CHRM2: variants seen among roughly 807,000 people sequenced by gnomAD.
CHRM2 encodes the protein muscarinic acetylcholine receptor M2.
In CHRM2, 8 loss-of-function variants were observed where a neutral mutation model predicts 25.0. That is an observed-to-expected ratio of 0.32 (90% CI 0.19 to 0.58). The LOEUF (loss-of-function observed/expected upper bound fraction) is 0.58. CHRM2 is among the 20% of genes least tolerant of loss of function. The pLI is 0.88. For missense variants in CHRM2, 440 were observed against 567.1 expected (o/e 0.78, Z 2.28); for synonymous variants, 202 against 205.7 (o/e 0.98, Z 0.15).
intron 2 of CHRM2, among the ~76,000 whole-genome samples, chr7:136,958,053 T>C (rs1800828063): frequency 6.6e-6 from 1 of 152,226 alleles, no homozygotes; most frequent in Non-Finnish European, 1.5e-5. Flanking sequence ...AAACATAGTT[T>C]GAAACTGATT....
At chr7:136,900,472 T>G (rs1405243532) in intron 2 of CHRM2, among the ~76,000 whole-genome samples, 1 of 152,074 alleles carries the variant, frequency 6.6e-6, no homozygotes, top group Non-Finnish European at 1.5e-5. Flanking sequence ...CTGATGGATT[T>G]GATCACAGGC....
At chr7:136,981,925 T>C (rs944848959) in intron 2 of CHRM2, among the ~76,000 whole-genome samples, 1 of 152,170 alleles carries the variant, frequency 6.6e-6, no homozygotes, top group African/African-American at 2.4e-5. Context: ...GTATATTCTG[T>C]TGATTTGGGG....
At chr7:136,873,715 C>T (rs1240388594) in intron 2 of CHRM2, among the ~76,000 whole-genome samples, 1 of 152,118 alleles carries the variant, frequency 6.6e-6, no homozygotes, top group Non-Finnish European at 1.5e-5. Flanking sequence ...CACTTGTTTT[C>T]CCTGTGTTTG....
intron 2 of CHRM2, among the ~76,000 whole-genome samples, chr7:136,923,744 C>G (rs1798582417): frequency 6.6e-6 from 1 of 152,030 alleles, no homozygotes; most frequent in African/African-American, 2.4e-5. Context: ...AATGGTGTCT[C>G]ATGCTTTTAA....
chr7:137,009,886 C>T (rs941802933), intron 3 of CHRM2, among the ~76,000 whole-genome samples: 3 of 151,884 alleles, frequency 2.0e-5, no homozygotes, highest in African/African-American at 7.3e-5. Flanking sequence ...AGTGTTACCT[C>T]TAACCCTGCG....
intron 2 of CHRM2, among the ~76,000 whole-genome samples, chr7:136,896,460 T>C (rs752665796): frequency 2.0e-5 from 3 of 152,152 alleles, no homozygotes; most frequent in South Asian, 2.1e-4. Context: ...AGGTGGAATG[T>C]AGTAATCTCC....
intron 2 of CHRM2, among the ~76,000 whole-genome samples, chr7:136,963,020 T>C (rs1292188086): frequency 6.6e-6 from 1 of 152,092 alleles, no homozygotes; most frequent in African/African-American, 2.4e-5. Context: ...TACATTAGTT[T>C]TTACGAAAAA....
intron 2 of CHRM2, among the ~76,000 whole-genome samples, chr7:136,967,981 AATG>A (rs1253015138): frequency 6.6e-6 from 1 of 151,978 alleles, no homozygotes; most frequent in African/African-American, 2.4e-5. Context: ...AATTAGGTCA[AATG>A]ATGGGAATTT....
intron 2 of CHRM2, among the ~76,000 whole-genome samples, chr7:136,906,656 CTT>C (rs1334422542): frequency 1.3e-5 from 2 of 151,386 alleles, no homozygotes; most frequent in Non-Finnish European, 2.9e-5. Context: ...TTTTAATAAA[CTT>C]AATATTTTGA....
chr7:136,925,540 CT>C (rs139806824), intron 2 of CHRM2, among the ~76,000 whole-genome samples: 14 of 149,554 alleles, frequency 9.4e-5, no homozygotes, highest in African/African-American at 2.7e-4. Flanking sequence ...CTATAAACAG[CT>C]TTTTTTTTTC....
chr7:136,929,780 C>T (rs62485243), intron 2 of CHRM2, among the ~76,000 whole-genome samples: 39,932 of 151,866 alleles, frequency 0.26, 6,120 homozygotes, highest in Non-Finnish European at 0.35. Context: ...TGCTTTCAAA[C>T]AGTAAAGAAA....
intron 2 of CHRM2, among the ~76,000 whole-genome samples, chr7:136,934,423 T>G (rs532682160): frequency 6.6e-6 from 1 of 152,284 alleles, no homozygotes; most frequent in Admixed American, 6.5e-5. Context: ...CCAGCCTCTG[T>G]AGTCCATCTC....
intron 2 of CHRM2, among the ~76,000 whole-genome samples, chr7:136,934,865 A>C (rs1177823216): frequency 6.6e-6 from 1 of 152,000 alleles, no homozygotes; most frequent in Non-Finnish European, 1.5e-5. Flanking sequence ...TAACCAAAAA[A>C]AAAAATGTAA....
At chr7:136,880,783 A>T (rs1796236282) in intron 2 of CHRM2, among the ~76,000 whole-genome samples, 1 of 151,822 alleles carries the variant, frequency 6.6e-6, no homozygotes, top group Non-Finnish European at 1.5e-5. Context: ...GATGAACTAC[A>T]TTGACACATC....
intron 3 of CHRM2, among the ~76,000 whole-genome samples, chr7:137,000,469 GGATTACAGGTGT>G (rs1188428821): frequency 1.3e-5 from 2 of 149,334 alleles, no homozygotes; most frequent in African/African-American, 4.9e-5. Flanking sequence ...CAAAGTGCTG[GGATTACAGGTGT>G]GAGCCACCGC....
chr7:136,881,926 C>T lies in CHRM2; in HGVS notation c.-125+12508C>T, dbSNP rs577493893. ...GCCATGACGAAGCTAAGTTAAAAAA[C>T]TGAAAACCTAGTTGAAAGACCATTT... On this transcript the variant is annotated intron_variant, in intron 2 of 3. Coordinates refer to ENST00000680005, the MANE Select transcript of CHRM2 (RefSeq NM_001006630.2). Among the ~76,000 whole-genome samples, 23 of 152,136 alleles carry T rather than the reference C, an allele frequency of 1.5e-4. No homozygotes were observed. In the South Asian group the frequency reaches 4.8e-3, roughly 32 times the overall value.
At chr7:136,963,466 A>G (rs1038812427) in intron 2 of CHRM2, among the ~76,000 whole-genome samples, 1 of 152,220 alleles carries the variant, frequency 6.6e-6, no homozygotes, top group Non-Finnish European at 1.5e-5. Flanking sequence ...AAAGATGTTC[A>G]TAGGATTTCA....
At chr7:136,931,276 A>T (rs563042182) in intron 2 of CHRM2, among the ~76,000 whole-genome samples, 13 of 152,336 alleles carry the variant, frequency 8.5e-5, no homozygotes, top group South Asian at 4.1e-4. Flanking sequence ...ACAAAGACAG[A>T]TAGAGATTTG....
intron 2 of CHRM2, among the ~76,000 whole-genome samples, chr7:136,892,139 CT>C (rs1194630982): frequency 6.6e-6 from 1 of 152,190 alleles, no homozygotes; most frequent in Non-Finnish European, 1.5e-5. Flanking sequence ...GAAAGAGGTG[CT>C]TGCACTGGAT....
Sources: gnomAD v4.1 joint callset for allele counts (sites outside exome capture counted in the v4.1 genomes callset) on GRCh38, gnomAD v4.1.1 for gene constraint, MANE v1.5 for transcripts, NCBI Gene and HGNC (gene_info 2026-07-23, HGNC 2026-07-21) for gene names.